DHTKD1: variants seen among roughly 807,000 people sequenced by gnomAD.
DHTKD1 encodes dehydrogenase E1 and transketolase domain containing 1, also known as 2-oxoadipate dehydrogenase complex component E1.
DHTKD1 carries 78 observed loss-of-function variants against 101.8 expected under a neutral mutation model. The observed-to-expected ratio is 0.77, with a 90% CI of 0.64 to 0.93. DHTKD1 has a LOEUF of 0.93. Ranked by LOEUF, DHTKD1 falls within the 40% of genes least tolerant of loss-of-function variation. The pLI is 0.00. For synonymous variants in DHTKD1, 462 were observed against 450.3 expected, an observed-to-expected ratio of 1.03 and a Z score of -0.33; for missense variants, 1,223 against 1,161.7, an observed-to-expected ratio of 1.05 and a Z score of -0.77.
chr10:12,079,152 G>A (rs1832777181), intron 1 of DHTKD1, among the ~76,000 whole-genome samples: 1 of 152,050 alleles, frequency 6.6e-6, no homozygotes, highest in Non-Finnish European at 1.5e-5. Flanking sequence ...GCAGTGGTGA[G>A]ATTTCCAGCT....
At chr10:12,113,184 C>G in intron 13 of DHTKD1, 120 bp downstream of exon 13, 1 of 957,024 alleles carries the variant, frequency 1.0e-6, no homozygotes. Context: ...TTTCAACTGA[C>G]TTTGCTACTT....
rs1020928704 is a variant in DHTKD1, at chr10:12,087,397, G to A, written c.523-138G>A. On this transcript the variant is annotated intron_variant, in intron 3 of 16. Coordinates refer to ENST00000263035, the MANE Select transcript of DHTKD1 (RefSeq NM_018706.7). This position sits in a 1 kb window ranked among gnomAD's most constrained non-coding sequence, Gnocchi z 5.2. ...CTGTGTCCGTGTTATGTCTCTCTCC[G>A]GGATATGTAGTAAAGTGGCATTGCT... 28 of 643,750 alleles carry A rather than the reference G, an allele frequency of 4.3e-5. No homozygotes were observed. Among genetic ancestry groups the A allele is most frequent in the East Asian group, 8.5e-5 (3 of 35,184 alleles). 39.9% of individuals were successfully genotyped at this position (643,750 alleles called of 1,614,324 possible).
In DHTKD1 at chr10:12,107,749, T is replaced by G. The variant is rs1471486701; in HGVS notation, c.2048-160T>G. On this transcript the variant is annotated intron_variant, in intron 11 of 16. Transcript: ENST00000263035. The surrounding 1 kb of genome is among the most constrained non-coding windows in gnomAD (Gnocchi z 4.1). ...AGGTTTTCATTCAATGAAATGGACA[T>G]TTCCCTAAGTATAGCATAACAGTTC... Among the ~76,000 whole-genome samples, 6 of 152,176 alleles carry G rather than the reference T, an allele frequency of 3.9e-5. No homozygotes were observed. The East Asian group carries it at 9.6e-4, about 24-fold the overall frequency.
At position 12,091,658 on chromosome 10, in the gene DHTKD1, G is replaced by A. The variant is rs762001099; in HGVS notation, c.1133G>A (p.Arg378Lys). Residue 378 changes from arginine (R) to lysine (K), a missense_variant, in exon 6 of 17, where the codon AGG (arginine) becomes AAG (lysine). By Grantham distance (26) the Arg-to-Lys change is conservative. Coordinates refer to ENST00000263035, the MANE Select transcript of DHTKD1 (RefSeq NM_018706.7). ...LGYTTPAERG[R>K]SSLYCSDIGK... ...TACACCACTCCAGCTGAAAGAGGAA[G>A]GTCTTCTTTATACTGCAGTGATATT... 3 of 1,613,796 alleles carry A rather than the reference G, an allele frequency of 1.9e-6. No homozygotes were observed. In the East Asian group the frequency reaches 6.7e-5, roughly 36 times the overall value.
chr10:12,110,080 T>C lies in DHTKD1; in HGVS notation c.2154+2065T>C, dbSNP rs1347842792. ...TTGGGAGGCCGAGGCGGGCGGATCA[T>C]GAGGTCAGGAGATGAAGACCATCCT... On this transcript the variant is annotated intron_variant, in intron 12 of 16. Transcript: ENST00000263035. This position sits in a 1 kb window ranked among gnomAD's most constrained non-coding sequence, Gnocchi z 4.9. 1.3e-5 allele frequency among the ~76,000 whole-genome samples: 2 copies of C among 151,962 alleles called. No individual in the cohort carries two copies. The highest frequency in any genetic ancestry group is 2.4e-5 in the African/African-American group (1 of 41,360).
chr10:12,113,004 G>C lies in DHTKD1; in HGVS notation c.2259G>C (p.Met753Ile). The C allele has an allele frequency of 6.2e-7, 1 of 1,613,690 alleles. No individual in the cohort carries two copies. Among genetic ancestry groups the C allele is most frequent in the Non-Finnish European group, 8.5e-7 (1 of 1,179,840 alleles). Residue 753 changes from methionine (M) to isoleucine (I), a missense_variant, in exon 13 of 17, where the codon ATG (methionine) becomes ATC (isoleucine). Met to Ile is a conservative substitution (Grantham distance 10). Coordinates refer to ENST00000263035, the MANE Select transcript of DHTKD1 (RefSeq NM_018706.7). The stretch of plus-strand genomic sequence containing the variant: ...ATTTCCACTTGCTTAGGAGACAGAT[G>C]GTCCGGAACTTCAGAAAACCACTCA... The part of the protein sequence containing the change: ...AQYFHLLRRQ[M>I]VRNFRKPLIV...
At chr10:12,071,494 G>A (rs1287338655) in intron 1 of DHTKD1, among the ~76,000 whole-genome samples, 1 of 151,926 alleles carries the variant, frequency 6.6e-6, no homozygotes, top group Non-Finnish European at 1.5e-5. Flanking sequence ...TTATTAGGCC[G>A]GGCGCGGTGG....
In DHTKD1 at chr10:12,101,088, C is replaced by A; in HGVS notation, c.1803C>A (p.Phe601Leu). 6.2e-7 allele frequency: 1 copy of A among 1,614,056 alleles called. No homozygotes were observed. Among genetic ancestry groups the A allele is most frequent in the South Asian group, 1.1e-5 (1 of 91,056 alleles). Reference protein sequence around the residue: ...LSGQDVGRGTFSQRHAIVVCQ... With the variant: ...LSGQDVGRGTLSQRHAIVVCQ... Reference sequence around the variant, plus strand: ...GCCAAGATGTTGGTCGTGGAACTTTCAGTCAGAGGCATGCAATCGTGGTTT... The same window carrying A: ...GCCAAGATGTTGGTCGTGGAACTTTAAGTCAGAGGCATGCAATCGTGGTTT... The change falls in exon 10 of 17, where the codon TTC becomes TTA. Residue 601 changes from phenylalanine (F) to leucine (L), a missense_variant. Coordinates refer to ENST00000263035, the MANE Select transcript of DHTKD1 (RefSeq NM_018706.7).
intron 1 of DHTKD1, among the ~76,000 whole-genome samples, chr10:12,079,423 A>C (rs1364564982): frequency 6.6e-6 from 1 of 152,166 alleles, no homozygotes; most frequent in Non-Finnish European, 1.5e-5. Flanking sequence ...TAATCCCAGC[A>C]CTTTGGGAGG....
intron 1 of DHTKD1, among the ~76,000 whole-genome samples, chr10:12,074,493 C>A (rs549215269): frequency 6.6e-6 from 1 of 152,006 alleles, no homozygotes; most frequent in Non-Finnish European, 1.5e-5. Flanking sequence ...GTAGCCAAGA[C>A]TACAGGTGCC....
In DHTKD1 at chr10:12,113,039, C is replaced by A. The variant is rs766274249; in HGVS notation, c.2294C>A (p.Ser765Tyr). 8 of 1,612,402 alleles carry A rather than the reference C, an allele frequency of 5.0e-6. No individual in the cohort carries two copies. In the African/African-American group the frequency reaches 9.4e-5, roughly 19 times the overall value. ...TTCAGAAAACCACTCATTGTTGCTT[C>A]CCCTAAGATGTTACTCAGGCTCCCG... Reference protein sequence around the residue: ...RNFRKPLIVASPKMLLRLPAA... With the variant: ...RNFRKPLIVAYPKMLLRLPAA... Residue 765 changes from serine to tyrosine, a missense_variant, in exon 13 of 17, where the codon TCC becomes TAC. Transcript: ENST00000263035.
Position 12,121,189 on chromosome 10 carries a change from C to A in DHTKD1, c.*301C>A. ...GAGCCAGGATCACACCATTGCTGTC[C>A]AGCCTGGGTGACAGAGCAAGACTGC... is the stretch of plus-strand genomic sequence containing the variant. On this transcript the variant is annotated 3_prime_UTR_variant, in exon 17 of 17. Coordinates refer to ENST00000263035, the MANE Select transcript of DHTKD1 (RefSeq NM_018706.7). The A allele has an allele frequency of 4.2e-6, 1 of 240,788 alleles. No homozygotes were observed. Among genetic ancestry groups the A allele is most frequent in the Non-Finnish European group, 8.0e-6 (1 of 124,684 alleles). The allele number at this position is 240,788 out of a possible 1,614,324, so 14.9% of individuals were successfully genotyped here. A position where few individuals can be genotyped will look rare whatever the true frequency, so the allele number is the denominator to read the frequency against.
chr10:12,075,444 G>A (rs1174977956), intron 1 of DHTKD1, among the ~76,000 whole-genome samples: 5 of 152,162 alleles, frequency 3.3e-5, no homozygotes, highest in Non-Finnish European at 7.3e-5. Context: ...GTTTCAGCGT[G>A]TTAGCCAGGA....
chr10:12,096,531 G>T (rs1383805150), intron 7 of DHTKD1, among the ~76,000 whole-genome samples: 1 of 152,026 alleles, frequency 6.6e-6, no homozygotes, highest in African/African-American at 2.4e-5. Flanking sequence ...GACTACAGGC[G>T]CTTGCCACTA....
At position 12,086,221 on chromosome 10, in the gene DHTKD1, C is replaced by CTTTTTT. The variant is rs1246673651; in HGVS notation, c.523-1310_523-1309insTTTTTT. ...TTAAAATTTATTTTTCTTTTGTTTT[C>CTTTTTT]TTTTCTTTTTTTTTTTTTTGAGATG... is the stretch of plus-strand genomic sequence containing the variant. On this transcript the variant is annotated intron_variant, in intron 3 of 16. Transcript: ENST00000263035. Among the ~76,000 whole-genome samples, 6 of 78,048 alleles carry CTTTTTT rather than the reference C, an allele frequency of 7.7e-5. 2 individuals are homozygous for CTTTTTT. Among genetic ancestry groups the CTTTTTT allele is most frequent in the South Asian group, 5.5e-4 (1 of 1,832 alleles). The allele number at this position is 78,048 out of a possible 152,430, so 51.2% of individuals were successfully genotyped here.
At position 12,069,019 on chromosome 10, in the gene DHTKD1, G is replaced by C. The variant is rs1205188414; in HGVS notation, c.-15G>C. 11 of 1,612,888 alleles carry C rather than the reference G, an allele frequency of 6.8e-6. No individual in the cohort carries two copies. The highest frequency in any genetic ancestry group is 9.3e-6 in the Non-Finnish European group (11 of 1,179,590). On this transcript the variant is annotated 5_prime_UTR_variant, in exon 1 of 17. Coordinates refer to ENST00000263035, the MANE Select transcript of DHTKD1 (RefSeq NM_018706.7). ...GGCTCCCGCCTTAGCATGCTGGCCG[G>C]GACATCTGGTGAACATGGCCTCTGC...
chr10:12,073,435 C>G (rs917213676), intron 1 of DHTKD1, among the ~76,000 whole-genome samples: 1 of 152,046 alleles, frequency 6.6e-6, no homozygotes, highest in Non-Finnish European at 1.5e-5. Flanking sequence ...CAACCTCTAC[C>G]TCCCGGGTTT....
chr10:12,097,654 T>C (rs1219695920), intron 7 of DHTKD1, 30 bp from the exon 8 acceptor site: 2 of 1,574,818 alleles, frequency 1.3e-6, no homozygotes, highest in East Asian at 2.2e-5. Flanking sequence ...CAGGTCAGAC[T>C]GATTTTTGTT....
chr10:12,119,987 A>G (rs185092830), intron 15 of DHTKD1, among the ~76,000 whole-genome samples, 195 bp from the exon 16 acceptor site: 34 of 152,326 alleles, frequency 2.2e-4, no homozygotes, highest in Middle Eastern at 3.4e-3. Flanking sequence ...AATATCTCAG[A>G]TAATTTATCG....
Sources: allele counts gnomAD v4.1 joint callset (sites outside exome capture counted in the v4.1 genomes callset), GRCh38; gene constraint gnomAD v4.1.1; non-coding constraint Gnocchi (gnomAD v3.1); transcripts MANE v1.5; gene names NCBI Gene and HGNC (gene_info 2026-07-23, HGNC 2026-07-21).